ZMYM2: variants seen among roughly 807,000 people sequenced by gnomAD.
The protein encoded by ZMYM2 is zinc finger MYM-type containing 2.
ZMYM2 carries 56 observed loss-of-function variants against 162.8 expected under a neutral mutation model. That is an observed-to-expected ratio of 0.34 (90% confidence interval 0.28 to 0.43). The LOEUF is 0.43. ZMYM2 is among the 20% of genes least tolerant of loss of function. The pLI is 1.00. For synonymous variants in ZMYM2, 510 were observed against 541.6 expected (o/e 0.94, Z 0.81); for missense variants, 1,275 against 1,621.8 (o/e 0.79, Z 3.67).
At chr13:19,960,187 G>A (rs1955042359) in intron 2 of ZMYM2, among the ~76,000 whole-genome samples, 161 bp downstream of exon 2, 1 of 152,218 alleles carries the variant, frequency 6.6e-6, no homozygotes, top group Admixed American at 6.5e-5. Context: ...TGGTGAGGCA[G>A]CTGGGAGTGG....
intron 2 of ZMYM2, among the ~76,000 whole-genome samples, chr13:19,961,868 AAAT>A (rs1955251349): frequency 6.6e-6 from 1 of 152,214 alleles, no homozygotes; most frequent in African/African-American, 2.4e-5. Context: ...GGCCTTGACT[AAAT>A]AAGTACTTTT....
At chr13:19,920,741 TGTATGTA>T in the ZMYM2 span, among the ~76,000 whole-genome samples, 1 of 7,446 alleles carries the variant, frequency 1.3e-4, no homozygotes, top group South Asian at 2.8e-3. Flanking sequence ...TATGTGTGTA[TGTATGTA>T]TGTATGTATG....
upstream of ZMYM2, among the ~76,000 whole-genome samples, chr13:19,955,722 A>T (rs1057463752): frequency 6.6e-6 from 1 of 152,076 alleles, no homozygotes; most frequent in Non-Finnish European, 1.5e-5. Flanking sequence ...CCTGGGTTCA[A>T]GCGATTCTCC....
chr13:19,907,921 T>C, the ZMYM2 span, among the ~76,000 whole-genome samples: 4 of 152,164 alleles, frequency 2.6e-5, no homozygotes, highest in African/African-American at 9.7e-5. Flanking sequence ...GCTTGTTTCA[T>C]GGGTAAACTC....
the ZMYM2 span, among the ~76,000 whole-genome samples, chr13:19,891,177 A>T: frequency 6.6e-6 from 1 of 151,890 alleles, no homozygotes; most frequent in South Asian, 2.1e-4. Flanking sequence ...TCACTCTAAT[A>T]GGACTAGACT....
chr13:20,026,811 A>C, intron 8 of ZMYM2, 49 bp downstream of exon 8: 1 of 1,527,526 alleles, frequency 6.5e-7, no homozygotes, highest in Non-Finnish European at 8.7e-7. Context: ...AACGTAATTA[A>C]TTTTTGCATA....
chr13:19,951,066 A>G, the ZMYM2 span, among the ~76,000 whole-genome samples: 1 of 152,058 alleles, frequency 6.6e-6, no homozygotes, highest in Non-Finnish European at 1.5e-5. Context: ...TCATTAGTGT[A>G]TTTTATGTGT....
the ZMYM2 span, among the ~76,000 whole-genome samples, chr13:19,945,970 A>AAAAT: frequency 1.6e-4 from 24 of 147,128 alleles, no homozygotes; most frequent in South Asian, 5.2e-3. Flanking sequence ...AAAAAAAAAA[A>AAAAT]AAAAGAGAAG....
chr13:19,999,911 T>C (rs1950270635), intron 3 of ZMYM2, among the ~76,000 whole-genome samples: 2 of 152,124 alleles, frequency 1.3e-5, no homozygotes, highest in Admixed American at 1.3e-4. Context: ...GATCCTCCCA[T>C]CTCAGCCTCC....
the ZMYM2 span, among the ~76,000 whole-genome samples, chr13:19,926,248 A>G: frequency 6.6e-6 from 1 of 151,520 alleles, no homozygotes; most frequent in Admixed American, 6.6e-5. Flanking sequence ...GGCATGAGTC[A>G]CTGCGCCTGA....
At chr13:19,865,325 C>A in the ZMYM2 span, among the ~76,000 whole-genome samples, 4 of 152,236 alleles carry the variant, frequency 2.6e-5, no homozygotes, top group Non-Finnish European at 4.4e-5. Flanking sequence ...TCCTGGGCCG[C>A]ATGCAACCCC....
At chr13:20,043,501 C>CTGGTGGTGG (rs35874928) in intron 12 of ZMYM2, among the ~76,000 whole-genome samples, 1 of 151,934 alleles carries the variant, frequency 6.6e-6, no homozygotes, top group Non-Finnish European at 1.5e-5. Context: ...TGTGGTTGCA[C>CTGGTGGTGG]TGGTGGTGGT....
At chr13:20,039,731 C>T (rs1673555154) in intron 12 of ZMYM2, among the ~76,000 whole-genome samples, 1 of 152,174 alleles carries the variant, frequency 6.6e-6, no homozygotes, top group Admixed American at 6.5e-5. Context: ...CCATCTCAGC[C>T]TCCTAAAGTG....
Position 19,993,397 on chromosome 13 carries a change from CAGA to C in ZMYM2, c.328_330del (p.Lys110del). 20 of 1,613,688 alleles carry C rather than the reference CAGA, an allele frequency of 1.2e-5. No homozygotes were observed. The highest frequency in any genetic ancestry group is 1.7e-5 in the Non-Finnish European group (20 of 1,179,826). ...TCCTTCCTCAAAAGAGTTGGCATCT[CAGA>C]AGGGAAGTGTAAGTGAGACAATTGT... On this transcript the variant is annotated inframe_deletion, in exon 3 of 25. Coordinates refer to ENST00000610343, the MANE Select transcript of ZMYM2 (RefSeq NM_197968.4).
At chr13:20,009,486 A>G (rs1487110192) in intron 6 of ZMYM2, among the ~76,000 whole-genome samples, 1 of 152,204 alleles carries the variant, frequency 6.6e-6, no homozygotes, top group Non-Finnish European at 1.5e-5. Context: ...TTACATTTAC[A>G]GTGTTGTGCT....
At chr13:20,063,583 C>T (rs1293839182) in intron 18 of ZMYM2, among the ~76,000 whole-genome samples, 1 of 150,294 alleles carries the variant, frequency 6.7e-6, no homozygotes, top group East Asian at 2.0e-4. Context: ...GAGTTTGAGA[C>T]CAGCCTGGCC....
At chr13:19,886,523 A>G in the ZMYM2 span, among the ~76,000 whole-genome samples, 1 of 151,962 alleles carries the variant, frequency 6.6e-6, no homozygotes, top group East Asian at 1.9e-4. Flanking sequence ...CAGGTCTTCT[A>G]AGCGTGGAGC....
chr13:19,959,929 T>A (rs1955005939), intron 1 of ZMYM2, 29 bp from the exon 2 acceptor site: 1 of 152,300 alleles, frequency 6.6e-6, no homozygotes, highest in Admixed American at 6.5e-5. Flanking sequence ...GTGTTTTTGA[T>A]ACATTTTTCT....
At chr13:19,942,539 CAAAA>C in the ZMYM2 span, among the ~76,000 whole-genome samples, 1 of 57,308 alleles carries the variant, frequency 1.7e-5, no homozygotes, top group Non-Finnish European at 3.7e-5. Flanking sequence ...ACCGTCTCTA[CAAAA>C]AAAAAAAAAA....
Sources: gnomAD v4.1 joint callset for allele counts (sites outside exome capture counted in the v4.1 genomes callset) on GRCh38, gnomAD v4.1.1 for gene constraint, MANE v1.5 for transcripts, NCBI Gene and HGNC (gene_info 2026-07-23, HGNC 2026-07-21) for gene names.